The following STARD8 variants were observed in gnomAD, a reference collection of about 807,000 sequenced individuals.
STARD8 encodes the protein StAR related lipid transfer domain containing 8.
STARD8 carries 25 observed loss-of-function variants against 69.4 expected under a neutral mutation model. The observed-to-expected ratio is 0.36, with a 90% CI of 0.26 to 0.50. STARD8 has a LOEUF of 0.50. Among genes scored for constraint, STARD8 ranks in the 20% least tolerant of loss-of-function variants. The probability of loss-of-function intolerance (pLI) is 0.96; values close to 1 mark genes in which losing one functional copy is unlikely to be tolerated. For synonymous variants in STARD8, 389 were observed against 374.6 expected, an observed-to-expected ratio of 1.04 and a Z score of -0.45; for missense variants, 921 against 932.5, an observed-to-expected ratio of 0.99 and a Z score of 0.16.
At chrX:68,693,893 G>A (rs1213962352) in intron 2 of STARD8, 14 of 699,827 alleles carry the variant, frequency 2.0e-5, no homozygotes, top group African/African-American at 2.3e-5. Context: ...CCCTCTCCCC[G>A]CTTTGCCTCT....
intron 1 of STARD8, among the ~76,000 whole-genome samples, chrX:68,653,289 C>CAT (rs2079580841): frequency 3.5e-5 from 1 of 28,453 alleles, no homozygotes. Context: ...ACACACACAC[C>CAT]ACACACCACA....
intron 2 of STARD8, among the ~76,000 whole-genome samples, chrX:68,705,800 A>G (rs776927203): frequency 2.9e-4 from 33 of 112,582 alleles, no homozygotes; most frequent in Non-Finnish European, 5.6e-4. Flanking sequence ...ACCCCCACCA[A>G]TTGAGATGAC....
In STARD8 at chrX:68,721,678, C is replaced by T. The variant is rs762183091; in HGVS notation, c.2391C>T (p.Asn797=). 8.3e-7 allele frequency: 1 copy of T among 1,210,930 alleles called. No homozygotes were observed. Among genetic ancestry groups the T allele is most frequent in the Admixed American group, 2.2e-5 (1 of 45,931 alleles). ...SAEENQMTAG[N]LAVCLAPSIF... is the part of the protein sequence containing the mutation. ...AGGAAAACCAGATGACAGCAGGCAA[C>T]CTGGCAGTGTGCCTGGCGCCCTCCA... The change falls in exon 10 of 15, where the codon AAC becomes AAT. Residue 797 remains asparagine, a synonymous_variant. Coordinates refer to ENST00000374599, the MANE Select transcript of STARD8 (RefSeq NM_001142503.3).
chrX:68,688,692 G>A (rs1206927323), intron 2 of STARD8, among the ~76,000 whole-genome samples: 1 of 111,898 alleles, frequency 8.9e-6, no homozygotes, highest in Non-Finnish European at 1.9e-5. Context: ...AGCAACGCTG[G>A]GGGCAAAGAC....
Position 68,661,972 on chromosome X carries a change from CTTTCTTTCTT to C in STARD8, c.46-3525_46-3516del, listed in dbSNP as rs1434287621. On this transcript the variant is annotated intron_variant, in intron 1 of 14. Coordinates refer to ENST00000374599, the MANE Select transcript of STARD8 (RefSeq NM_001142503.3). ...TCTCTCTCTCTCTCTCTCTCTCTCT[CTTTCTTTCTT>C]TCTTTCTTTCTTTCTTTCTTTCTTT... 9.4e-3 allele frequency among the ~76,000 whole-genome samples: 343 copies of C among 36,338 alleles called. 1 individual carries two copies. The highest frequency in any genetic ancestry group is 0.029 in the African/African-American group (273 of 9,392). 31.6% of individuals were successfully genotyped at this position (36,338 alleles called of 115,157 possible).
chrX:68,668,113 C>CT (rs1381227363), intron 2 of STARD8, among the ~76,000 whole-genome samples: 1 of 84,663 alleles, frequency 1.2e-5, no homozygotes, highest in Non-Finnish European at 2.3e-5. Flanking sequence ...TTCTTTCTTT[C>CT]TGTCTTTCTT....
chrX:68,701,162 C>T (rs752165483), intron 2 of STARD8, among the ~76,000 whole-genome samples: 15 of 112,095 alleles, frequency 1.3e-4, no homozygotes, highest in South Asian at 3.7e-4. Flanking sequence ...GTGGCATTCG[C>T]GACACTCAAC....
chrX:68,653,305 A>C (rs1602536148), intron 1 of STARD8, among the ~76,000 whole-genome samples: 12 of 26,881 alleles, frequency 4.5e-4, no homozygotes, highest in Non-Finnish European at 7.0e-4. Context: ...CCACACACAC[A>C]CCACACCACA....
At chrX:68,722,368 C>T in intron 11 of STARD8, 54 bp from the exon 12 acceptor site, 1 of 1,091,512 alleles carries the variant, frequency 9.2e-7, no homozygotes, top group Non-Finnish European at 1.2e-6. Context: ...TGACAGACCC[C>T]ATGGGGTCTC....
At position 68,723,974 on chromosome X, in the gene STARD8, G is replaced by T; in HGVS notation, c.3047G>T (p.Gly1016Val). Residue 1016 changes from glycine to valine, a missense_variant, in exon 14 of 15, where the codon GGT becomes GTT. By Grantham distance (109) the Gly-to-Val change is moderately radical. Transcript: ENST00000374599. ...RMWRSDLPRG[G>V]CLLVSQSLDP... ...TGGCGCTCTGACCTGCCTCGTGGGGGTTGCCTGCTTGTCTCCCAGTCCCTG... is the reference window on the plus strand; with the variant it reads ...TGGCGCTCTGACCTGCCTCGTGGGGTTTGCCTGCTTGTCTCCCAGTCCCTG... The T allele has an allele frequency of 1.6e-6, 2 of 1,212,140 alleles. No individual in the cohort carries two copies. The highest frequency in any genetic ancestry group is 2.2e-6 in the Non-Finnish European group (2 of 895,565).
Position 68,647,898 on chromosome X carries a change from GT to G in STARD8, c.20del (p.Phe7SerfsTer8), listed in dbSNP as rs747905726. MPLLD[V>X]FWSCFRKVKC... ...ACGCGCCACCATGCCTCTGCTGGAC[GT>G]TTTCTGGTCTTGCTTCAGGAAGGTG... On this transcript the variant is annotated frameshift_variant, in exon 1 of 15. Transcript: ENST00000374599. LOFTEE classifies it high-confidence loss of function. The G allele has an allele frequency of 1.7e-6, 2 of 1,201,237 alleles. No individual in the cohort carries two copies. Among genetic ancestry groups the G allele is most frequent in the South Asian group, 3.6e-5 (2 of 55,006 alleles).
Position 68,654,733 on chromosome X carries a change from G to GCA in STARD8, c.45+6822_45+6823dup, listed in dbSNP as rs755613596. ...ACCCCCTGTGCAGGCTCACATTCAT[G>GCA]CACACACACACACACACTCGCAAGT... On this transcript the variant is annotated intron_variant, in intron 1 of 14. Coordinates refer to ENST00000374599, the MANE Select transcript of STARD8 (RefSeq NM_001142503.3). Among the ~76,000 whole-genome samples, 190 of 108,469 alleles carry GCA rather than the reference G, an allele frequency of 1.8e-3. 2 individuals are homozygous for GCA. Among genetic ancestry groups the GCA allele is most frequent in the African/African-American group, 5.7e-3 (171 of 29,863 alleles). The allele number at this position is 108,469 out of a possible 115,157, so 94.2% of individuals were successfully genotyped here.
At chrX:68,715,243 TGA>T (rs2080082565) in intron 3 of STARD8, 49 bp from the exon 4 acceptor site, 2 of 1,095,210 alleles carry the variant, frequency 1.8e-6, no homozygotes, top group Non-Finnish European at 2.5e-6. Context: ...CTGCTGAGGC[TGA>T]GTTTGTGATA....
At chrX:68,681,855 A>C (rs1188311050) in intron 2 of STARD8, among the ~76,000 whole-genome samples, 1 of 111,654 alleles carries the variant, frequency 9.0e-6, no homozygotes, top group Admixed American at 9.5e-5. Flanking sequence ...GTTGCATTTC[A>C]TGCTTGGTCA....
Position 68,647,669 on chromosome X carries a change from G to A in STARD8, c.-214G>A. ...TCCCTCCTTTTTTCCCTCCCTCGGTGGCCTTCCAGGAGGCGGGAGGCGCCC... is the reference window on the plus strand; with the variant it reads ...TCCCTCCTTTTTTCCCTCCCTCGGTAGCCTTCCAGGAGGCGGGAGGCGCCC... On this transcript the variant is annotated 5_prime_UTR_variant, in exon 1 of 15. Transcript: ENST00000374599. 1 of 431,730 alleles carries A rather than the reference G, an allele frequency of 2.3e-6. No homozygotes were observed. Among genetic ancestry groups the A allele is most frequent in the Non-Finnish European group, 4.0e-6 (1 of 252,143 alleles). The allele number at this position is 431,730 out of a possible 1,213,427, so 35.6% of individuals were successfully genotyped here.
intron 2 of STARD8, among the ~76,000 whole-genome samples, chrX:68,668,332 C>CT (rs1437419885): frequency 6.9e-5 from 6 of 87,230 alleles, no homozygotes; most frequent in East Asian, 3.5e-4. Context: ...TCCTTCCTTC[C>CT]TTTTTTTTTC....
At chrX:68,677,765 T>A (rs910436990) in intron 2 of STARD8, among the ~76,000 whole-genome samples, 1 of 111,126 alleles carries the variant, frequency 9.0e-6, no homozygotes, top group Non-Finnish European at 1.9e-5. Flanking sequence ...TTTCACCCCC[T>A]CTACCTCCTT....
chrX:68,710,980 C>CA (rs1270955664), intron 2 of STARD8, among the ~76,000 whole-genome samples: 1 of 112,213 alleles, frequency 8.9e-6, no homozygotes, highest in Non-Finnish European at 1.9e-5. Flanking sequence ...GCAGCAGAAC[C>CA]ATGTTCCTCA....
In STARD8 at chrX:68,686,523, C is replaced by T. The variant is rs180765187; in HGVS notation, c.79+20991C>T. 9.6e-3 allele frequency among the ~76,000 whole-genome samples: 1,084 copies of T among 112,554 alleles called. 11 individuals carry two copies. Among genetic ancestry groups the T allele is most frequent in the African/African-American group, 0.034 (1,043 of 30,991 alleles). ...GACTCCGTGGGGTGTGGAGGGCACCCGGTGGTACGCGCCGCGCTGGGATCC... is the reference window on the plus strand; with the variant it reads ...GACTCCGTGGGGTGTGGAGGGCACCTGGTGGTACGCGCCGCGCTGGGATCC... On this transcript the variant is annotated intron_variant, in intron 2 of 14. Coordinates refer to ENST00000374599, the MANE Select transcript of STARD8 (RefSeq NM_001142503.3).
Sources: allele counts gnomAD v4.1 joint callset (sites outside exome capture counted in the v4.1 genomes callset), GRCh38; gene constraint gnomAD v4.1.1; transcripts MANE v1.5; gene names NCBI Gene and HGNC (gene_info 2026-07-23, HGNC 2026-07-21).